The following ANO4 variants were observed in gnomAD, a reference collection of about 807,000 sequenced individuals.
The protein encoded by ANO4 is anoctamin 4.
A neutral mutation model predicts 141.9 loss-of-function variants in ANO4; 69 were observed. That is an observed-to-expected ratio of 0.49 (90% CI 0.40 to 0.59). ANO4 has a LOEUF of 0.59. Among genes scored for constraint, ANO4 ranks in the 20% least tolerant of loss-of-function variants. The probability of loss-of-function intolerance (pLI) is 0.00; values close to 1 mark genes in which losing one functional copy is unlikely to be tolerated. For synonymous variants in ANO4, 350 were observed against 394.3 expected, an observed-to-expected ratio of 0.89 and a Z score of 1.33; for missense variants, 894 against 1,162.2, an observed-to-expected ratio of 0.77 and a Z score of 3.36.
chr12:101,045,653 A>G (rs2047589669), intron 13 of ANO4, among the ~76,000 whole-genome samples: 1 of 152,110 alleles, frequency 6.6e-6, no homozygotes, highest in South Asian at 2.1e-4. Flanking sequence ...CCCAACTCCT[A>G]CTGGCTTAGT....
chr12:100,964,867 C>A (rs2043583549), intron 5 of ANO4, among the ~76,000 whole-genome samples: 1 of 152,172 alleles, frequency 6.6e-6, no homozygotes, highest in Admixed American at 6.5e-5. Flanking sequence ...TTTTCTTACT[C>A]TATTTTTCTT....
At chr12:100,995,893 T>C (rs1159681032) in intron 8 of ANO4, among the ~76,000 whole-genome samples, 2 of 152,198 alleles carry the variant, frequency 1.3e-5, no homozygotes, top group African/African-American at 2.4e-5. Flanking sequence ...TTGGCATTGT[T>C]ACCGCTGGGG....
At chr12:101,104,613 GTGTATGTATGTGTGTATA>G (rs1251317540) in intron 22 of ANO4, among the ~76,000 whole-genome samples, 34 of 88,078 alleles carry the variant, frequency 3.9e-4, no homozygotes, top group African/African-American at 7.4e-4. Flanking sequence ...GTGTGTGTGT[GTGTATGTATGTGTGTATA>G]TATATATATA....
chr12:100,737,695 A>G (rs1467696774), intron 2 of ANO4, among the ~76,000 whole-genome samples: 1 of 152,250 alleles, frequency 6.6e-6, no homozygotes, highest in Non-Finnish European at 1.5e-5. Context: ...CTTTTGCAAT[A>G]TTTATAGTAA....
intron 8 of ANO4, among the ~76,000 whole-genome samples, chr12:101,012,637 G>A (rs1288498308): frequency 2.0e-5 from 3 of 152,290 alleles, no homozygotes; most frequent in South Asian, 4.1e-4. Flanking sequence ...ATGAAGGACT[G>A]TGTGGAAAGG....
At chr12:100,922,882 C>T (rs978103368) in intron 3 of ANO4, among the ~76,000 whole-genome samples, 2 of 152,050 alleles carry the variant, frequency 1.3e-5, no homozygotes, top group East Asian at 1.9e-4. Flanking sequence ...ATAGCTTTCA[C>T]TCAGAATTTT....
At chr12:100,750,675 T>A (rs1481739803) in intron 3 of ANO4, among the ~76,000 whole-genome samples, 1 of 152,090 alleles carries the variant, frequency 6.6e-6, no homozygotes, top group Non-Finnish European at 1.5e-5. Context: ...ATAAAGAAAA[T>A]TTTCTTTACC....
At chr12:100,847,588 C>G (rs914182562) in intron 1 of ANO4, among the ~76,000 whole-genome samples, 12 of 151,728 alleles carry the variant, frequency 7.9e-5, no homozygotes, top group African/African-American at 2.9e-4. Context: ...TCTCCTGACT[C>G]AGCCTCCCGA....
At chr12:100,825,232 A>G (rs996867464) in intron 1 of ANO4, among the ~76,000 whole-genome samples, 2 of 152,026 alleles carry the variant, frequency 1.3e-5, no homozygotes, top group African/African-American at 2.4e-5. Flanking sequence ...TTGACAATCT[A>G]CTTGAAGTCA....
intron 1 of ANO4, among the ~76,000 whole-genome samples, chr12:100,824,250 T>C (rs2058854610): frequency 6.6e-6 from 1 of 151,880 alleles, no homozygotes. Flanking sequence ...ATCCCCCAAG[T>C]CTCACACTTC....
At chr12:100,841,378 G>A (rs1211489903) in intron 1 of ANO4, among the ~76,000 whole-genome samples, 2 of 152,086 alleles carry the variant, frequency 1.3e-5, no homozygotes, top group African/African-American at 4.8e-5. Context: ...TACCTGGTAC[G>A]GTGGATAAGG....
intron 8 of ANO4, among the ~76,000 whole-genome samples, chr12:100,989,248 G>A (rs61944886): frequency 0.2 from 30,581 of 152,154 alleles, 3,400 homozygotes; most frequent in Non-Finnish European, 0.25. Flanking sequence ...GAGAAAGTGG[G>A]AACTGGAAGG....
chr12:101,120,224 A>G (rs1364493741), intron 25 of ANO4, among the ~76,000 whole-genome samples: 3 of 152,148 alleles, frequency 2.0e-5, no homozygotes, highest in Non-Finnish European at 2.9e-5. Flanking sequence ...TCATTCACTA[A>G]GTGATAGTTC....
At chr12:100,749,831 A>C (rs1021801145) in intron 3 of ANO4, among the ~76,000 whole-genome samples, 2 of 152,248 alleles carry the variant, frequency 1.3e-5, no homozygotes, top group African/African-American at 4.8e-5. Context: ...TGTGGTCCAC[A>C]AGAGCTAAGA....
At chr12:101,104,643 AT>A (rs2050357560) in intron 22 of ANO4, among the ~76,000 whole-genome samples, 2 of 62,014 alleles carry the variant, frequency 3.2e-5, no homozygotes, top group Admixed American at 3.3e-4. Flanking sequence ...ATATATATAT[AT>A]ATATATATAT....
intron 1 of ANO4, among the ~76,000 whole-genome samples, chr12:100,857,587 C>T (rs1272099749): frequency 6.6e-6 from 1 of 152,114 alleles, no homozygotes; most frequent in Admixed American, 6.6e-5. Context: ...ATTGCCTCCC[C>T]ATGAAGCTGA....
At chr12:101,087,801 T>G (rs2049567565) in intron 17 of ANO4, among the ~76,000 whole-genome samples, 1 of 152,110 alleles carries the variant, frequency 6.6e-6, no homozygotes, top group South Asian at 2.1e-4. Flanking sequence ...GTCGTGGCAT[T>G]CTACTGGACT....
intron 14 of ANO4, among the ~76,000 whole-genome samples, chr12:101,061,240 G>A (rs1459584560): frequency 1.3e-5 from 2 of 152,106 alleles, no homozygotes; most frequent in East Asian, 3.9e-4. Flanking sequence ...GGTTTCTGCA[G>A]AGAGATCTGC....
chr12:101,040,711 C>T lies in ANO4; in HGVS notation c.1019+635C>T, dbSNP rs535315765. On this transcript the variant is annotated intron_variant, in intron 11 of 27. Transcript: ENST00000392977. Reference sequence around the variant, plus strand: ...TGGTGGTTTGCTGCACCCATCAACCCGTCACCTACTTTAGGTATTTCTCCT... The same window carrying T: ...TGGTGGTTTGCTGCACCCATCAACCTGTCACCTACTTTAGGTATTTCTCCT... Among the ~76,000 whole-genome samples the T allele has an allele frequency of 9.8e-4, 149 of 152,192 alleles. 1 individual carries two copies. The highest frequency in any genetic ancestry group is 3.2e-3 in the African/African-American group (131 of 41,510).
Sources: allele counts gnomAD v4.1 joint callset (sites outside exome capture counted in the v4.1 genomes callset), GRCh38; gene constraint gnomAD v4.1.1; transcripts MANE v1.5; gene names NCBI Gene and HGNC (gene_info 2026-07-23, HGNC 2026-07-21).